OTOGL: variants seen among roughly 807,000 people sequenced by gnomAD.
OTOGL encodes otogelin-like protein.
OTOGL carries 285 observed loss-of-function variants against 318.5 expected under a neutral mutation model. The ratio of observed to expected loss-of-function variants is 0.89; its 90% CI spans 0.81 to 0.99. OTOGL has a LOEUF of 0.99. Ranked by LOEUF, OTOGL falls within the 50% of genes least tolerant of loss-of-function variation. The pLI is 0.00. For synonymous variants in OTOGL, 987 were observed against 936.5 expected (o/e 1.05, Z -0.99); for missense variants, 2,899 against 2,845.6 (o/e 1.02, Z -0.43).
rs188421094 is a variant in OTOGL at position 80,121,777 on chromosome 12, G to A, written c.-20+22172G>A. On this transcript the variant is annotated intron_variant, in intron 1 of 58. Coordinates refer to ENST00000547103, the MANE Select transcript of OTOGL (RefSeq NM_001378609.3). ...AGAATCATTTAAACCCATAGTGGGAGGTTCTTCGTGGGTTTATGTGGGACT... is the reference window on the plus strand; with the variant it reads ...AGAATCATTTAAACCCATAGTGGGAAGTTCTTCGTGGGTTTATGTGGGACT... 2.2e-3 allele frequency among the ~76,000 whole-genome samples: 330 copies of A among 152,274 alleles called. 1 individual carries two copies. Among genetic ancestry groups the A allele is most frequent in the African/African-American group, 7.7e-3 (320 of 41,552 alleles).
intron 27 of OTOGL, among the ~76,000 whole-genome samples, chr12:80,299,602 CA>C (rs1215092849): frequency 7.1e-6 from 1 of 140,210 alleles, no homozygotes; most frequent in African/African-American, 2.7e-5. Context: ...ACCATCCATC[CA>C]GGGGAAGAAA....
chr12:80,335,486 T>G (rs1009033318), intron 38 of OTOGL, among the ~76,000 whole-genome samples: 1 of 152,136 alleles, frequency 6.6e-6, no homozygotes, highest in East Asian at 1.9e-4. Context: ...GAGTTACATA[T>G]AAAATTAATT....
chr12:80,253,117 A>G (rs1004779512), intron 13 of OTOGL, among the ~76,000 whole-genome samples: 10 of 152,126 alleles, frequency 6.6e-5, no homozygotes, highest in Admixed American at 3.9e-4. Context: ...AATCTTTCTC[A>G]TCTTGGAATG....
At chr12:80,349,227 T>C (rs1889390056) in intron 44 of OTOGL, among the ~76,000 whole-genome samples, 1 of 152,178 alleles carries the variant, frequency 6.6e-6, no homozygotes, top group Admixed American at 6.5e-5. Context: ...GGAAGAGTTA[T>C]TAGTATATGG....
chr12:80,244,322 C>A (rs1196341645), intron 11 of OTOGL, among the ~76,000 whole-genome samples: 1 of 101,808 alleles, frequency 9.8e-6, no homozygotes, highest in African/African-American at 3.7e-5. Context: ...CCTCCCCCCT[C>A]CCCCCACCCC....
intron 1 of OTOGL, among the ~76,000 whole-genome samples, chr12:80,100,333 TAAC>T (rs1869063776): frequency 6.6e-6 from 1 of 152,140 alleles, no homozygotes. Flanking sequence ...TTACTTCTCC[TAAC>T]AACAACAAAA....
chr12:80,366,556 G>A lies in OTOGL; in HGVS notation c.6268-18G>A. The A allele has an allele frequency of 1.2e-6, 1 of 840,006 alleles. No individual in the cohort carries two copies. The highest frequency in any genetic ancestry group is 1.6e-6 in the Non-Finnish European group (1 of 619,942). The allele number at this position is 840,006 out of a possible 1,614,324, so 52.0% of individuals were successfully genotyped here. A position where few individuals can be genotyped will look rare whatever the true frequency, so the allele number is the denominator to read the frequency against. ...AAAATAAGCTAAATGATAAGTAATA[G>A]TAGTATATTTTCAATAGGGAGAATT... On this transcript the variant is annotated intron_variant, in intron 52 of 58. Coordinates refer to ENST00000547103, the MANE Select transcript of OTOGL (RefSeq NM_001378609.3).
In OTOGL at chr12:80,297,331, C is replaced by CTT. The variant is rs5799464; in HGVS notation, c.3063+387_3063+388dup. ...CATAGGTAGTTTTATTTGTATATGT[C>CTT]TTTTTTTTTTTTTTTTTTGAGACAG... On this transcript the variant is annotated intron_variant, in intron 27 of 58. Coordinates refer to ENST00000547103, the MANE Select transcript of OTOGL (RefSeq NM_001378609.3). 4.1e-3 allele frequency among the ~76,000 whole-genome samples: 574 copies of CTT among 140,662 alleles called. 7 individuals carry two copies. The highest frequency in any genetic ancestry group is 0.013 in the African/African-American group (505 of 37,888). 92.3% of individuals were successfully genotyped at this position (140,662 alleles called of 152,430 possible).
chr12:80,211,981 C>G lies in OTOGL; in HGVS notation c.152C>G (p.Ala51Gly), dbSNP rs1234507298. Residue 51 changes from alanine (A) to glycine (G), a missense_variant, in exon 4 of 59, where the codon GCT (alanine) becomes GGT (glycine). Coordinates refer to ENST00000547103, the MANE Select transcript of OTOGL (RefSeq NM_001378609.3). ...NGFNENRQKRALLAAQFEATS... is the reference protein window; with the variant it reads ...NGFNENRQKRGLLAAQFEATS... ...TTTAATGAAAATCGACAGAAAAGAG[C>G]TCTTTTAGCAGCACAGGTAGGTTAT... The G allele has an allele frequency of 4.4e-6, 7 of 1,577,652 alleles. No individual in the cohort carries two copies. Among genetic ancestry groups the G allele is most frequent in the Non-Finnish European group, 6.0e-6 (7 of 1,168,392 alleles).
chr12:80,375,877 C>T (rs1231002432), intron 57 of OTOGL, among the ~76,000 whole-genome samples: 1 of 151,962 alleles, frequency 6.6e-6, no homozygotes, highest in Non-Finnish European at 1.5e-5. Flanking sequence ...AGCACTGAGC[C>T]TCGAGTCACA....
chr12:80,102,938 CT>C, intron 1 of OTOGL: 1 of 836,724 alleles, frequency 1.2e-6, no homozygotes, highest in Non-Finnish European at 2.1e-6. Context: ...TGTATTTGCC[CT>C]TTTCCTTTCC....
chr12:80,231,338 A>G (rs1879340023), intron 8 of OTOGL, among the ~76,000 whole-genome samples: 1 of 152,170 alleles, frequency 6.6e-6, no homozygotes, highest in African/African-American at 2.4e-5. Flanking sequence ...TCTCCAATTT[A>G]AACATTTAGC....
rs150743378 is a variant in OTOGL, at chr12:80,239,689, G to A, written c.1052+250G>A. Among the ~76,000 whole-genome samples, 289 of 152,140 alleles carry A rather than the reference G, an allele frequency of 1.9e-3. 1 individual carries two copies. The highest frequency in any genetic ancestry group is 6.8e-3 in the African/African-American group (282 of 41,526). On this transcript the variant is annotated intron_variant, in intron 11 of 58. Transcript: ENST00000547103. Reference sequence around the variant, plus strand: ...TAATACATTCGTGTAATCAAATAAAGGGAATTGGGTACCTGTCACCTTAAA... The same window carrying A: ...TAATACATTCGTGTAATCAAATAAAAGGAATTGGGTACCTGTCACCTTAAA...
intron 26 of OTOGL, among the ~76,000 whole-genome samples, chr12:80,292,813 C>A (rs1885134669): frequency 6.6e-6 from 1 of 152,088 alleles, no homozygotes; most frequent in Non-Finnish European, 1.5e-5. Context: ...ATTAATGACA[C>A]ATTCATATAA....
chr12:80,326,401 T>A (rs2137862597), intron 35 of OTOGL, among the ~76,000 whole-genome samples: 1 of 152,254 alleles, frequency 6.6e-6, no homozygotes, highest in South Asian at 2.1e-4. Context: ...AGAAGTTGAG[T>A]AGAATACCAA....
At chr12:80,191,136 C>T (rs1467355418) in intron 1 of OTOGL, among the ~76,000 whole-genome samples, 3 of 152,164 alleles carry the variant, frequency 2.0e-5, no homozygotes, top group Non-Finnish European at 4.4e-5. Context: ...CATATTGTGA[C>T]TTTAAAATTA....
At chr12:80,292,275 A>G (rs754245018) in intron 26 of OTOGL, among the ~76,000 whole-genome samples, 3 of 152,240 alleles carry the variant, frequency 2.0e-5, no homozygotes, top group Non-Finnish European at 2.9e-5. Flanking sequence ...GGCATGAGCC[A>G]CTACGCCCAG....
At chr12:80,351,472 C>T (rs1168300876) in intron 44 of OTOGL, among the ~76,000 whole-genome samples, 5 of 152,020 alleles carry the variant, frequency 3.3e-5, no homozygotes, top group African/African-American at 1.2e-4. Flanking sequence ...CGCGCCACCA[C>T]ACCTGGCTAA....
At chr12:80,109,763 T>C (rs1465501265) in intron 1 of OTOGL, among the ~76,000 whole-genome samples, 1 of 152,232 alleles carries the variant, frequency 6.6e-6, no homozygotes, top group Non-Finnish European at 1.5e-5. Flanking sequence ...TGATGACTGA[T>C]GACCACCACA....
Sources: allele counts gnomAD v4.1 joint callset (sites outside exome capture counted in the v4.1 genomes callset), GRCh38; gene constraint gnomAD v4.1.1; transcripts MANE v1.5; gene names NCBI Gene and HGNC (gene_info 2026-07-23, HGNC 2026-07-21).